Variants in SNX2 observed in about 807,000 individuals in gnomAD.
SNX2 encodes the protein sorting nexin-2.
In SNX2, 25 loss-of-function variants were observed where a neutral mutation model predicts 69.9. That is an observed-to-expected ratio of 0.36 (90% CI 0.26 to 0.50). The LOEUF is 0.50. Ranked by LOEUF, SNX2 falls within the 20% of genes least tolerant of loss-of-function variation. The pLI is 0.97. For missense variants in SNX2, 551 were observed against 613.3 expected (o/e 0.90, Z 1.07); for synonymous variants, 229 against 200.4 (o/e 1.14, Z -1.20).
At chr5:122,775,075 A>G, upstream of SNX2, 2 of 1,561,936 alleles carry the variant, frequency 1.3e-6, no homozygotes, top group Non-Finnish European at 1.7e-6. Context: ...CGCGAGGCCC[A>G]GCTCGCGCAG....
At chr5:122,828,614 A>G (rs965264969) in intron 14 of SNX2, among the ~76,000 whole-genome samples, 4 of 151,980 alleles carry the variant, frequency 2.6e-5, no homozygotes, top group African/African-American at 9.7e-5. Flanking sequence ...TTTATGCTGG[A>G]AAAGGTCATT....
chr5:122,816,483 T>C (rs1753902389), intron 8 of SNX2, among the ~76,000 whole-genome samples: 1 of 152,180 alleles, frequency 6.6e-6, no homozygotes, highest in Non-Finnish European at 1.5e-5. Flanking sequence ...TTTAAATTAC[T>C]TGAGTTGCAG....
chr5:122,821,362 C>G (rs558292010), intron 11 of SNX2, among the ~76,000 whole-genome samples: 417 of 152,166 alleles, frequency 2.7e-3, no homozygotes, highest in Non-Finnish European at 5.2e-3. Context: ...CTTCCTTTCT[C>G]AAAAAGGAAT....
chr5:122,796,219 C>T (rs1368856866), intron 2 of SNX2, among the ~76,000 whole-genome samples: 1 of 151,992 alleles, frequency 6.6e-6, no homozygotes, highest in Non-Finnish European at 1.5e-5. Context: ...GCACATTACC[C>T]ATCTCACATG....
At position 122,803,455 on chromosome 5, in the gene SNX2, C is replaced by G. The variant is rs772917529; in HGVS notation, c.502-17C>G. The G allele has an allele frequency of 1.9e-6, 3 of 1,586,910 alleles. No homozygotes were observed. The highest frequency in any genetic ancestry group is 2.6e-6 in the Non-Finnish European group (3 of 1,169,816). On this transcript the variant is annotated splice_polypyrimidine_tract_variant and intron_variant, in intron 5 of 14. Coordinates refer to ENST00000379516, the MANE Select transcript of SNX2 (RefSeq NM_003100.4). The stretch of plus-strand genomic sequence containing the variant: ...GCTTGCTATTCAAAATTTGAAACAC[C>G]TCTTCTTCACTTGTAGACATCTCTT...
rs149413436 is a variant in SNX2 at position 122,788,184 on chromosome 5, A to G, written c.109-7082A>G. Among the ~76,000 whole-genome samples, 1,106 of 152,286 alleles carry G rather than the reference A, an allele frequency of 7.3e-3. 14 individuals are homozygous for G. The highest frequency in any genetic ancestry group is 0.025 in the African/African-American group (1,027 of 41,544). ...GGTTTCTGCATCAATAGGTCTTTCA[A>G]CACTTTCAGAGTGTTATTCCACTGT... is the stretch of plus-strand genomic sequence containing the variant. On this transcript the variant is annotated intron_variant, in intron 1 of 14. Coordinates refer to ENST00000379516, the MANE Select transcript of SNX2 (RefSeq NM_003100.4).
chr5:122,819,094 TG>T, intron 11 of SNX2, 71 bp downstream of exon 11: 1 of 1,168,978 alleles, frequency 8.6e-7, no homozygotes, highest in Non-Finnish European at 1.2e-6. Flanking sequence ...CTATTAATTA[TG>T]TATTTACATG....
At position 122,832,557 on chromosome 5, in the gene SNX2, C is replaced by G. The variant is rs999741008; in HGVS notation, c.*2909C>G. The G allele has an allele frequency of 3.3e-5, 5 of 152,072 alleles. No individual in the cohort carries two copies. Among genetic ancestry groups the G allele is most frequent in the African/African-American group, 9.6e-5 (4 of 41,492 alleles). The allele number at this position is 152,072 out of a possible 1,614,324, so 9.4% of individuals were successfully genotyped here. On this transcript the variant is annotated 3_prime_UTR_variant, in exon 15 of 15. Transcript: ENST00000379516. ...AAACTTTTTTCTTTATTATCTAGAT[C>G]TAGTAAAGTTTTCTGCATTCATTGT...
chr5:122,829,454 C>G lies in SNX2; in HGVS notation c.1510-144C>G, dbSNP rs924401916. On this transcript the variant is annotated intron_variant, in intron 14 of 14. Transcript: ENST00000379516. ...TCCTGACATCAGGTGATCCACCCAT[C>G]TCAGCCTCCCAAAGTGCTGGAATTA... 8.5e-6 allele frequency: 5 copies of G among 587,494 alleles called. No individual in the cohort carries two copies. In the African/African-American group the frequency reaches 9.5e-5, roughly 11 times the overall value. 36.4% of individuals were successfully genotyped at this position (587,494 alleles called of 1,614,324 possible).
intron 6 of SNX2, among the ~76,000 whole-genome samples, chr5:122,807,506 T>C (rs1407441286): frequency 6.6e-6 from 1 of 152,244 alleles, no homozygotes; most frequent in Non-Finnish European, 1.5e-5. Flanking sequence ...GTAGATGATT[T>C]TTTTGTGTGT....
In SNX2 at chr5:122,775,142, G is replaced by A. The variant is rs754201463; in HGVS notation, c.39G>A (p.Gly13=). ...AEREPPPLGD[G]KPTDFEDLED... is the part of the protein sequence containing the mutation. ...GGGAACCTCCTCCGCTGGGGGACGG[G>A]AAGCCCACCGACTTTGAGGATCTGG... The change falls in exon 1 of 15, where the codon GGG becomes GGA. Residue 13 remains glycine, a synonymous_variant. Transcript: ENST00000379516. 9 of 1,596,434 alleles carry A rather than the reference G, an allele frequency of 5.6e-6. No individual in the cohort carries two copies. The highest frequency in any genetic ancestry group is 6.8e-6 in the Non-Finnish European group (8 of 1,173,172).
At chr5:122,795,881 G>T (rs1220985596) in intron 2 of SNX2, among the ~76,000 whole-genome samples, 3 of 152,112 alleles carry the variant, frequency 2.0e-5, no homozygotes, top group Non-Finnish European at 4.4e-5. Flanking sequence ...ACAGGGGCAG[G>T]ATTTGGTGTA....
At chr5:122,783,774 T>G (rs72794682) in intron 1 of SNX2, among the ~76,000 whole-genome samples, 270 of 152,298 alleles carry the variant, frequency 1.8e-3, no homozygotes, top group Admixed American at 3.1e-3. Context: ...TTCTTATAAT[T>G]TTAGAATCAA....
At chr5:122,829,557 A>C in intron 14 of SNX2, 41 bp from the exon 15 acceptor site, 4 of 1,528,702 alleles carry the variant, frequency 2.6e-6, no homozygotes, top group Non-Finnish European at 3.6e-6. Context: ...AAATGACAAA[A>C]AGGTAATGAG....
chr5:122,776,960 C>T (rs958149046), intron 1 of SNX2, among the ~76,000 whole-genome samples: 5 of 152,282 alleles, frequency 3.3e-5, no homozygotes, highest in African/African-American at 9.6e-5. Flanking sequence ...GATTATTCAT[C>T]TCAGCACCTT....
At chr5:122,787,687 A>T (rs190482139) in intron 1 of SNX2, among the ~76,000 whole-genome samples, 19 of 152,236 alleles carry the variant, frequency 1.2e-4, no homozygotes, top group Non-Finnish European at 2.2e-4. Context: ...CCACTGCCCC[A>T]CATCATTCCC....
chr5:122,806,142 G>GCGCACACACACACACACACA lies in SNX2; in HGVS notation c.644-2134_644-2133insGCACACACACACACACACAC. On this transcript the variant is annotated intron_variant, in intron 6 of 14. Coordinates refer to ENST00000379516, the MANE Select transcript of SNX2 (RefSeq NM_003100.4). ...TGTGTATATATATACACACGCGCGC[G>GCGCACACACACACACACACA]CACACACACACACACACACACACAC... 5.8e-4 allele frequency among the ~76,000 whole-genome samples: 76 copies of GCGCACACACACACACACACA among 130,650 alleles called. 1 individual carries two copies. The highest frequency in any genetic ancestry group is 9.5e-4 in the Non-Finnish European group (58 of 61,016). The allele number at this position is 130,650 out of a possible 152,430, so 85.7% of individuals were successfully genotyped here. A position where few individuals can be genotyped will look rare whatever the true frequency, so the allele number is the denominator to read the frequency against.
chr5:122,788,850 C>T (rs1396158031), intron 1 of SNX2, among the ~76,000 whole-genome samples: 1 of 152,140 alleles, frequency 6.6e-6, no homozygotes, highest in African/African-American at 2.4e-5. Flanking sequence ...CTTCATACAA[C>T]ATAGTTAGAA....
intron 8 of SNX2, 52 bp from the exon 9 acceptor site, chr5:122,816,863 A>T: frequency 9.3e-7 from 1 of 1,075,778 alleles, no homozygotes; most frequent in African/African-American, 1.6e-5. Context: ...GCCTAGTTAA[A>T]CCTCCAGGCT....
Sources: gnomAD v4.1 joint callset for allele counts (sites outside exome capture counted in the v4.1 genomes callset) on GRCh38, gnomAD v4.1.1 for gene constraint, MANE v1.5 for transcripts, NCBI Gene and HGNC (gene_info 2026-07-23, HGNC 2026-07-21) for gene names.